The following DHX32 variants were observed in gnomAD, a reference collection of about 807,000 sequenced individuals.
The protein encoded by DHX32 is DEAH-box helicase 32 (putative), also known as putative pre-mRNA-splicing factor ATP-dependent RNA helicase DHX32.
Under a neutral mutation model 70.0 loss-of-function variants are expected in DHX32, and 51 were observed. The ratio of observed to expected loss-of-function variants is 0.73; its 90% CI spans 0.58 to 0.92. The LOEUF (loss-of-function observed/expected upper bound fraction) is 0.92. DHX32 is among the 40% of genes least tolerant of loss of function. The pLI, the probability that DHX32 is intolerant of heterozygous loss-of-function variation, is 0.00. For missense variants in DHX32, 762 were observed against 891.8 expected, an observed-to-expected ratio of 0.85 and a Z score of 1.85; for synonymous variants, 310 against 315.3, an observed-to-expected ratio of 0.98 and a Z score of 0.18.
intron 4 of DHX32, chr10:125,853,637 T>C (rs765722467): frequency 3.9e-6 from 1 of 254,122 alleles, no homozygotes; most frequent in Non-Finnish European, 7.4e-6. Flanking sequence ...GTCAAACAAT[T>C]TGCTTTGCTA....
intron 2 of DHX32, among the ~76,000 whole-genome samples, chr10:125,862,553 T>C (rs1316319256): frequency 6.6e-6 from 1 of 152,026 alleles, no homozygotes; most frequent in African/African-American, 2.4e-5. Context: ...CCCCATAAGA[T>C]TGAGGAGGTT....
intron 1 of DHX32, among the ~76,000 whole-genome samples, chr10:125,889,216 G>A (rs1271225413): frequency 1.3e-5 from 2 of 152,006 alleles, no homozygotes; most frequent in Non-Finnish European, 2.9e-5. Context: ...TTCCTTTTGC[G>A]GGTTTATGGT....
At chr10:125,844,057 C>CTT (rs1854948798) in intron 6 of DHX32, among the ~76,000 whole-genome samples, 1 of 152,202 alleles carries the variant, frequency 6.6e-6, no homozygotes, top group Admixed American at 6.5e-5. Context: ...TACCGTCTTA[C>CTT]TTGTTCATTC....
In DHX32 at chr10:125,840,831, C is replaced by T. The variant is rs1342551943; in HGVS notation, c.1693+16G>A. On this transcript the variant is annotated intron_variant, in intron 8 of 10. Transcript: ENST00000284690. ...GGAAGGTGGAATTAATAGGTAGTTTCTGAGCATTCACTTACACTCACTGCT... is the reference window on the plus strand; with the variant it reads ...GGAAGGTGGAATTAATAGGTAGTTTTTGAGCATTCACTTACACTCACTGCT... 1.3e-6 allele frequency: 2 copies of T among 1,558,446 alleles called. No homozygotes were observed. The highest frequency in any genetic ancestry group is 3.8e-5 in the Admixed American group (2 of 52,894).
At chr10:125,837,614 G>C (rs549821931) in intron 10 of DHX32, among the ~76,000 whole-genome samples, 1 of 152,132 alleles carries the variant, frequency 6.6e-6, no homozygotes, top group South Asian at 2.1e-4. Context: ...TTGTAGAGAC[G>C]GGGTCTTGCT....
chr10:125,838,689 G>A (rs966892096), intron 9 of DHX32, among the ~76,000 whole-genome samples: 17 of 152,226 alleles, frequency 1.1e-4, no homozygotes, highest in African/African-American at 2.9e-4. Context: ...TACTATGGGC[G>A]ACATACACTC....
At chr10:125,838,085 C>G in intron 10 of DHX32, 121 bp downstream of exon 10, 1 of 930,004 alleles carries the variant, frequency 1.1e-6, no homozygotes, top group African/African-American at 1.7e-5. Flanking sequence ...GTACTGTCAA[C>G]GTAAATTAAG....
chr10:125,838,857 C>T (rs2134022149), intron 9 of DHX32, 144 bp downstream of exon 9: 2 of 994,530 alleles, frequency 2.0e-6, no homozygotes, highest in South Asian at 3.3e-5. Context: ...GGGAAGGATA[C>T]TTAAGTACCA....
At chr10:125,869,575 C>CA (rs1281183549) in intron 1 of DHX32, 5,742 of 116,856 alleles carry the variant, frequency 0.049, 156 homozygotes, top group Non-Finnish European at 0.065. Flanking sequence ...GACTCTGTCT[C>CA]AAAAAAAAAA....
chr10:125,877,849 G>C (rs893501059), intron 1 of DHX32, among the ~76,000 whole-genome samples: 2 of 152,110 alleles, frequency 1.3e-5, no homozygotes, highest in Non-Finnish European at 2.9e-5. Flanking sequence ...TTATTCATCT[G>C]AAAAATGAAG....
At chr10:125,879,977 T>A (rs1238118996) in intron 1 of DHX32, among the ~76,000 whole-genome samples, 1 of 152,234 alleles carries the variant, frequency 6.6e-6, no homozygotes, top group Non-Finnish European at 1.5e-5. Context: ...CCTAGGTTTA[T>A]CTCTTAATGA....
At chr10:125,873,508 C>A (rs1564830961) in intron 1 of DHX32, among the ~76,000 whole-genome samples, 1 of 152,106 alleles carries the variant, frequency 6.6e-6, no homozygotes, top group Non-Finnish European at 1.5e-5. Context: ...CCCAATCACT[C>A]CCTTTAATTT....
At position 125,866,910 on chromosome 10, in the gene DHX32, C is replaced by T; in HGVS notation, c.476+80G>A. 6.8e-7 allele frequency: 1 copy of T among 1,460,918 alleles called. No homozygotes were observed. The highest frequency in any genetic ancestry group is 1.3e-5 in the South Asian group (1 of 77,504). The allele number at this position is 1,460,918 out of a possible 1,614,324, so 90.5% of individuals were successfully genotyped here. On this transcript the variant is annotated intron_variant, in intron 2 of 10. Coordinates refer to ENST00000284690, the MANE Select transcript of DHX32 (RefSeq NM_018180.3). The surrounding 1 kb of genome is among the most constrained non-coding windows in gnomAD (Gnocchi z 4.8). ...GCATAGATGCTTAACAGGTAGAATG[C>T]CAGAATAATGCTCCTTCAGAATTGT... is the stretch of plus-strand genomic sequence containing the variant.
chr10:125,885,704 T>C (rs939003146), upstream of DHX32, among the ~76,000 whole-genome samples: 7 of 152,172 alleles, frequency 4.6e-5, no homozygotes, highest in African/African-American at 7.2e-5. Flanking sequence ...TACCACTCAA[T>C]TTATGGTAAT....
chr10:125,886,604 G>T (rs1397674716), intron 1 of DHX32, among the ~76,000 whole-genome samples: 1 of 152,310 alleles, frequency 6.6e-6, no homozygotes, highest in African/African-American at 2.4e-5. Context: ...TATGATATAT[G>T]ATAGACTCTT....
intron 2 of DHX32, among the ~76,000 whole-genome samples, chr10:125,863,636 A>C (rs1238636044): frequency 6.6e-6 from 1 of 152,032 alleles, no homozygotes; most frequent in African/African-American, 2.4e-5. Context: ...TTTTTAGTAG[A>C]GACGGGGTTT....
At chr10:125,892,871 T>G (rs1409937669) in intron 1 of DHX32, among the ~76,000 whole-genome samples, 8 of 152,224 alleles carry the variant, frequency 5.3e-5, no homozygotes, top group African/African-American at 1.7e-4. Flanking sequence ...AAATAATAGC[T>G]TCTGGTTTTC....
At chr10:125,889,448 C>T (rs61871860) in intron 1 of DHX32, among the ~76,000 whole-genome samples, 2 of 152,082 alleles carry the variant, frequency 1.3e-5, no homozygotes, top group Non-Finnish European at 2.9e-5. Flanking sequence ...TTTTGGAGAG[C>T]GGGATCACTG....
intron 1 of DHX32, among the ~76,000 whole-genome samples, chr10:125,875,940 GTAGT>G (rs1944281261): frequency 6.6e-6 from 1 of 152,214 alleles, no homozygotes; most frequent in African/African-American, 2.4e-5. Context: ...AGATGTAGGT[GTAGT>G]TAAATGATTA....
Sources: allele counts gnomAD v4.1 joint callset (sites outside exome capture counted in the v4.1 genomes callset), GRCh38; gene constraint gnomAD v4.1.1; non-coding constraint Gnocchi (gnomAD v3.1); transcripts MANE v1.5; gene names NCBI Gene and HGNC (gene_info 2026-07-23, HGNC 2026-07-21).